Variants in CSMD1 observed in about 807,000 individuals in gnomAD.
CSMD1 encodes the protein CUB and sushi domain-containing protein 1.
Under a neutral mutation model 417.5 loss-of-function variants are expected in CSMD1, and 213 were observed. The observed-to-expected ratio is 0.51, with a 90% CI of 0.46 to 0.57. The LOEUF (loss-of-function observed/expected upper bound fraction) is 0.57, where lower values mean the gene tolerates loss of function less well. Among genes scored for constraint, CSMD1 ranks in the 20% least tolerant of loss-of-function variants. The pLI is 0.00. For missense variants in CSMD1, 6,923 were observed against 4,529.7 expected (o/e 1.53, Z -15.17); for synonymous variants, 2,862 against 1,736.8 (o/e 1.65, Z -16.11).
rs893493219 is a variant in CSMD1, at chr8:4,195,852, T to C, written c.416-163753A>G. Reference sequence around the variant, plus strand: ...TGAGGAGGCAGTGGAATTAACGCCTTGATCATAGCATGCGAGACTTACGGC... The same window carrying C: ...TGAGGAGGCAGTGGAATTAACGCCTCGATCATAGCATGCGAGACTTACGGC... On this transcript the variant is annotated intron_variant, in intron 3 of 69. Coordinates refer to ENST00000635120, the MANE Select transcript of CSMD1 (RefSeq NM_033225.6). Among the ~76,000 whole-genome samples the C allele has an allele frequency of 5.9e-5, 9 of 152,028 alleles. 1 individual carries two copies. The highest frequency in any genetic ancestry group is 1.0e-4 in the Non-Finnish European group (7 of 68,022).
intron 4 of CSMD1, among the ~76,000 whole-genome samples, chr8:4,022,857 G>C (rs1320445766): frequency 1.3e-5 from 2 of 152,188 alleles, no homozygotes; most frequent in African/African-American, 4.8e-5. Context: ...TTCATTCGGA[G>C]CAAGAATTCA....
At position 3,202,995 on chromosome 8, in the gene CSMD1, A is replaced by C. The variant is rs543104289; in HGVS notation, c.4985-1270T>G. On this transcript the variant is annotated intron_variant, in intron 31 of 69. Coordinates refer to ENST00000635120, the MANE Select transcript of CSMD1 (RefSeq NM_033225.6). ...GATCTTGCTCATACCATCCTCACCCACCCACCACCTCCCCAAGTTCATTAG... is the reference window on the plus strand; with the variant it reads ...GATCTTGCTCATACCATCCTCACCCCCCCACCACCTCCCCAAGTTCATTAG... 4.5e-4 allele frequency among the ~76,000 whole-genome samples: 68 copies of C among 152,020 alleles called. 1 individual carries two copies. Among genetic ancestry groups the C allele is most frequent in the Non-Finnish European group, 8.8e-4 (60 of 67,986 alleles).
At chr8:4,526,432 C>A (rs1320780769) in intron 2 of CSMD1, among the ~76,000 whole-genome samples, 1 of 152,254 alleles carries the variant, frequency 6.6e-6, no homozygotes, top group East Asian at 1.9e-4. Context: ...ATGCCTAGTA[C>A]TAAAAAACTA....
At chr8:3,149,539 G>A (rs1362777798) in intron 40 of CSMD1, among the ~76,000 whole-genome samples, 3 of 152,088 alleles carry the variant, frequency 2.0e-5, no homozygotes, top group Non-Finnish European at 2.9e-5. Flanking sequence ...GCGCAGTGGC[G>A]TGATCGTGGC....
chr8:4,065,755 C>A (rs527400190), intron 3 of CSMD1, among the ~76,000 whole-genome samples: 2 of 152,150 alleles, frequency 1.3e-5, no homozygotes, highest in Non-Finnish European at 2.9e-5. Flanking sequence ...CACATAAATG[C>A]TAAATATTTG....
chr8:3,810,979 G>A (rs562110395), intron 5 of CSMD1, among the ~76,000 whole-genome samples: 1 of 152,252 alleles, frequency 6.6e-6, no homozygotes, highest in African/African-American at 2.4e-5. Flanking sequence ...ATAAGTACAA[G>A]TACTTTAAAG....
At chr8:3,773,424 C>T (rs562299033) in intron 5 of CSMD1, among the ~76,000 whole-genome samples, 5 of 152,110 alleles carry the variant, frequency 3.3e-5, no homozygotes, top group East Asian at 1.9e-4. Context: ...GTAGCTGGGA[C>T]GACAGTCATG....
chr8:3,206,352 G>A (rs571839059), intron 30 of CSMD1, among the ~76,000 whole-genome samples: 27 of 135,212 alleles, frequency 2.0e-4, no homozygotes, highest in African/African-American at 7.6e-4. Flanking sequence ...TGGGGTGTGT[G>A]TGTATGTGTG....
At chr8:3,657,391 T>C (rs896069179) in intron 7 of CSMD1, among the ~76,000 whole-genome samples, 12 of 151,562 alleles carry the variant, frequency 7.9e-5, no homozygotes, top group African/African-American at 2.4e-4. Flanking sequence ...AACTGTATGG[T>C]ATCAAAGGTC....
intron 7 of CSMD1, among the ~76,000 whole-genome samples, chr8:3,635,783 G>A (rs1584996403): frequency 8.3e-6 from 1 of 120,320 alleles, no homozygotes; most frequent in Middle Eastern, 7.0e-3. Context: ...GCGCCCAGCT[G>A]CTTCCATCTC....
At chr8:3,534,561 C>G (rs940141552) in intron 10 of CSMD1, among the ~76,000 whole-genome samples, 1 of 149,106 alleles carries the variant, frequency 6.7e-6, no homozygotes, top group Non-Finnish European at 1.5e-5. Flanking sequence ...AATTAGTGTA[C>G]AATCATTTAC....
At chr8:4,298,230 C>A (rs1457829588) in intron 3 of CSMD1, among the ~76,000 whole-genome samples, 1 of 152,106 alleles carries the variant, frequency 6.6e-6, no homozygotes. Context: ...TCTTTGCTTC[C>A]TGTTTCTGCA....
intron 26 of CSMD1, among the ~76,000 whole-genome samples, chr8:3,257,067 A>C (rs1800705824): frequency 6.6e-6 from 1 of 152,172 alleles, no homozygotes; most frequent in African/African-American, 2.4e-5. Flanking sequence ...CATGCCTGTA[A>C]TCCCAGCACT....
intron 2 of CSMD1, among the ~76,000 whole-genome samples, chr8:4,456,319 TAAA>T (rs1024554025): frequency 1.3e-5 from 2 of 151,978 alleles, no homozygotes; most frequent in African/African-American, 4.8e-5. Flanking sequence ...ACAGCAGTAA[TAAA>T]AAAATTAGTC....
intron 30 of CSMD1, among the ~76,000 whole-genome samples, chr8:3,208,991 C>T (rs1014727730): frequency 2.0e-5 from 3 of 152,040 alleles, no homozygotes; most frequent in African/African-American, 7.2e-5. Flanking sequence ...TAGTTCTGTC[C>T]CTCTAGAGAA....
At chr8:3,759,722 C>A (rs1767452110) in intron 5 of CSMD1, among the ~76,000 whole-genome samples, 1 of 147,008 alleles carries the variant, frequency 6.8e-6, no homozygotes, top group African/African-American at 2.6e-5. Context: ...GGTGAAACAC[C>A]ACCTCTACTA....
intron 1 of CSMD1, among the ~76,000 whole-genome samples, chr8:4,748,592 C>T (rs1032443309): frequency 2.6e-5 from 4 of 152,250 alleles, no homozygotes; most frequent in Non-Finnish European, 4.4e-5. Flanking sequence ...AGAAGACTCA[C>T]GGGGAGAAAT....
intron 7 of CSMD1, among the ~76,000 whole-genome samples, chr8:3,622,056 C>G (rs1287410360): frequency 1.3e-5 from 2 of 151,340 alleles, no homozygotes; most frequent in Non-Finnish European, 2.9e-5. Flanking sequence ...TGATACTCTA[C>G]TACTTTTCTC....
At chr8:4,075,788 G>T (rs985496281) in intron 3 of CSMD1, among the ~76,000 whole-genome samples, 3 of 152,116 alleles carry the variant, frequency 2.0e-5, no homozygotes, top group African/African-American at 4.8e-5. Flanking sequence ...TTCTCAAGAG[G>T]TTGTGATGAC....
Sources: allele counts gnomAD v4.1 joint callset (sites outside exome capture counted in the v4.1 genomes callset), GRCh38; gene constraint gnomAD v4.1.1; transcripts MANE v1.5; gene names NCBI Gene and HGNC (gene_info 2026-07-23, HGNC 2026-07-21).